PI4K2A: variants seen among roughly 807,000 people sequenced by gnomAD.
PI4K2A encodes the protein phosphatidylinositol 4-kinase type 2-alpha.
PI4K2A carries 20 observed loss-of-function variants against 55.0 expected under a neutral mutation model. The ratio of observed to expected loss-of-function variants is 0.36; its 90% CI spans 0.26 to 0.53. The LOEUF is 0.53. Ranked by LOEUF, PI4K2A falls within the 20% of genes least tolerant of loss-of-function variation. The pLI is 0.91. For synonymous variants in PI4K2A, 235 were observed against 258.5 expected (o/e 0.91, Z 0.87); for missense variants, 463 against 637.1 (o/e 0.73, Z 2.94).
At chr10:97,649,655 G>A (rs1299521305) in intron 1 of PI4K2A, among the ~76,000 whole-genome samples, 1 of 114,540 alleles carries the variant, frequency 8.7e-6, no homozygotes, top group African/African-American at 3.1e-5. Context: ...CAGAGGCTTG[G>A]TCTTGTCACC....
At chr10:97,671,448 T>C (rs1166577675) in intron 8 of PI4K2A, among the ~76,000 whole-genome samples, 1 of 151,172 alleles carries the variant, frequency 6.6e-6, no homozygotes, top group African/African-American at 2.4e-5. Context: ...TGAGACCCTG[T>C]CTCAGAAAAG....
chr10:97,641,092 C>T, exon 1 of PI4K2A: 2 of 1,608,102 alleles, frequency 1.2e-6, no homozygotes, highest in Non-Finnish European at 1.7e-6. Context: ...GTGCGGCAGG[C>T]CGAGCTGGCC....
At chr10:97,664,338 CTT>C (rs2041600329) in intron 5 of PI4K2A, among the ~76,000 whole-genome samples, 1 of 152,218 alleles carries the variant, frequency 6.6e-6, no homozygotes, top group African/African-American at 2.4e-5. Flanking sequence ...CATGCCCACT[CTT>C]TTTACATTCA....
intron 2 of PI4K2A, among the ~76,000 whole-genome samples, chr10:97,655,670 G>T (rs1330935545): frequency 6.6e-6 from 1 of 151,710 alleles, no homozygotes; most frequent in Non-Finnish European, 1.5e-5. Flanking sequence ...TGCCTCCAAG[G>T]TTCAAGCCAT....
intron 2 of PI4K2A, among the ~76,000 whole-genome samples, chr10:97,655,455 G>A (rs1028364752): frequency 1.3e-5 from 2 of 151,700 alleles, no homozygotes; most frequent in African/African-American, 4.9e-5. Flanking sequence ...CTGGAAAGAA[G>A]ATGGGCATTT....
chr10:97,675,407 A>G (rs1309977084), exon 9 of PI4K2A: 1 of 152,458 alleles, frequency 6.6e-6, no homozygotes, highest in African/African-American at 2.4e-5. Context: ...CCTGTGGACG[A>G]AGGTACAGCT....
chr10:97,660,095 G>A (rs1373477076), intron 4 of PI4K2A, among the ~76,000 whole-genome samples: 2 of 139,614 alleles, frequency 1.4e-5, no homozygotes, highest in South Asian at 2.5e-4. Flanking sequence ...TCCGCCTCCC[G>A]GGTTCACGCC....
At chr10:97,676,276 C>T (rs2041664245) in exon 9 of PI4K2A, 1 of 152,192 alleles carries the variant, frequency 6.6e-6, no homozygotes, top group East Asian at 1.9e-4. Context: ...TGAACTTACA[C>T]TGATAGGAAG....
chr10:97,659,089 C>T (rs544765637), intron 4 of PI4K2A, among the ~76,000 whole-genome samples: 2 of 152,302 alleles, frequency 1.3e-5, no homozygotes, highest in Admixed American at 6.5e-5. Flanking sequence ...GGCTGAAGTG[C>T]AGTAGCACAA....
chr10:97,659,719 G>A (rs2041571489), intron 4 of PI4K2A, among the ~76,000 whole-genome samples: 2 of 152,072 alleles, frequency 1.3e-5, no homozygotes, highest in Admixed American at 6.5e-5. Flanking sequence ...TGGCTGAAGG[G>A]TGGGGGATGG....
rs112944042 is a variant in PI4K2A, at chr10:97,653,916, C to CAAAA, written c.637-2360_637-2357dup. Among the ~76,000 whole-genome samples, 51 of 147,658 alleles carry CAAAA rather than the reference C, an allele frequency of 3.5e-4. 1 individual carries two copies. The highest frequency in any genetic ancestry group is 1.2e-3 in the African/African-American group (48 of 40,650). On this transcript the variant is annotated intron_variant, in intron 2 of 8. Transcript: ENST00000370631. ...TGGGCAACAGAGCGAGACTCCGTCT[C>CAAAA]AAAAAAAAAAAATACTTGTCTTCCA...
At chr10:97,673,945 G>C in exon 9 of PI4K2A, 1 of 553,246 alleles carries the variant, frequency 1.8e-6, no homozygotes, top group South Asian at 2.4e-5. Flanking sequence ...TTCTGATGTG[G>C]GGGAGGCTGG....
At position 97,671,514 on chromosome 10, in the gene PI4K2A, T is replaced by A. The variant is rs545394346; in HGVS notation, c.1279-2067T>A. 1.8e-4 allele frequency among the ~76,000 whole-genome samples: 27 copies of A among 152,260 alleles called. 1 individual carries two copies. In the South Asian group the frequency reaches 5.6e-3, roughly 32 times the overall value. The stretch of plus-strand genomic sequence containing the variant: ...TGCTATATAGGAACTCTTTGTACAA[T>A]CTGCAACTTTTCTCTAAATTTAAAA... On this transcript the variant is annotated intron_variant, in intron 8 of 8. Transcript: ENST00000370631.
chr10:97,673,891 C>T, exon 9 of PI4K2A: 1 of 674,724 alleles, frequency 1.5e-6, no homozygotes, highest in Non-Finnish European at 2.5e-6. Flanking sequence ...AGCTTTCCAC[C>T]CACAGGGAGA....
At chr10:97,666,626 GTTTT>G (rs1312828433) in intron 7 of PI4K2A, 55 bp downstream of exon 7, 3 of 1,499,510 alleles carry the variant, frequency 2.0e-6, no homozygotes, top group Non-Finnish European at 2.7e-6. Flanking sequence ...ATTTTTAATG[GTTTT>G]TTTAATTGGT....
chr10:97,669,972 T>C (rs1009822585), intron 8 of PI4K2A, among the ~76,000 whole-genome samples: 4 of 152,146 alleles, frequency 2.6e-5, no homozygotes, highest in Non-Finnish European at 5.9e-5. Context: ...AGTGGCCCAA[T>C]TGTAGACCAC....
chr10:97,663,099 G>A lies in PI4K2A; in HGVS notation c.984+131G>A. ...GGGCGCATATGTTTAAAATTAATAG[G>A]TTAATATTTGGTAAAGTTTTTCTCA... On this transcript the variant is annotated intron_variant, in intron 5 of 8. Coordinates refer to ENST00000370631, the Ensembl canonical transcript of PI4K2A. The A allele has an allele frequency of 6.1e-6, 4 of 656,002 alleles. 1 individual carries two copies. Among genetic ancestry groups the A allele is most frequent in the Admixed American group, 4.8e-5 (2 of 41,796 alleles). The allele number at this position is 656,002 out of a possible 1,614,324, so 40.6% of individuals were successfully genotyped here. A position where few individuals can be genotyped will look rare whatever the true frequency, so the allele number is the denominator to read the frequency against.
intron 1 of PI4K2A, among the ~76,000 whole-genome samples, chr10:97,643,010 A>G (rs1347676534): frequency 1.4e-5 from 2 of 143,130 alleles, no homozygotes; most frequent in Non-Finnish European, 3.0e-5. Flanking sequence ...TTTCTTTCAG[A>G]GAAGGTCTCA....
chr10:97,676,123 C>G (rs1022507774), exon 9 of PI4K2A: 27 of 152,246 alleles, frequency 1.8e-4, no homozygotes, highest in Non-Finnish European at 4.4e-5. Flanking sequence ...GGCAAAGAAA[C>G]CTGTGTTTCC....
Sources: gnomAD v4.1 joint callset for allele counts (sites outside exome capture counted in the v4.1 genomes callset) on GRCh38, gnomAD v4.1.1 for gene constraint, MANE v1.5 for transcripts, NCBI Gene and HGNC (gene_info 2026-07-23, HGNC 2026-07-21) for gene names.